KMO: variants seen among roughly 807,000 people sequenced by gnomAD.
KMO encodes the protein kynurenine 3-monooxygenase, also known as kynurenine 3-hydroxylase.
KMO carries 24 observed loss-of-function variants against 57.8 expected under a neutral mutation model. That is an observed-to-expected ratio of 0.42 (90% CI 0.30 to 0.58). The LOEUF is 0.58. Among genes scored for constraint, KMO ranks in the 20% least tolerant of loss-of-function variants. The pLI, the probability that KMO is intolerant of heterozygous loss-of-function variation, is 0.22. For synonymous variants in KMO, 210 were observed against 193.6 expected (o/e 1.08, Z -0.70); for missense variants, 483 against 588.2 (o/e 0.82, Z 1.85).
chr1:241,534,252 C>T (rs1660678072), intron 1 of KMO, among the ~76,000 whole-genome samples: 1 of 152,170 alleles, frequency 6.6e-6, no homozygotes, highest in Admixed American at 6.5e-5. Context: ...TAGCTCAAGA[C>T]TTGGACTAAG....
chr1:241,568,667 G>A lies in KMO; in HGVS notation c.957+20G>A. 2 of 1,610,132 alleles carry A rather than the reference G, an allele frequency of 1.2e-6. No homozygotes were observed. Among genetic ancestry groups the A allele is most frequent in the East Asian group, 2.2e-5 (1 of 44,708 alleles). ...AATGCGGTAAGTTCTTTTTCCCTAGGTAAGTCCCTCAAATACTTCTGGGTC... is the reference window on the plus strand; with the variant it reads ...AATGCGGTAAGTTCTTTTTCCCTAGATAAGTCCCTCAAATACTTCTGGGTC... On this transcript the variant is annotated intron_variant, in intron 10 of 14. Coordinates refer to ENST00000366559, the MANE Select transcript of KMO (RefSeq NM_003679.5).
Position 241,534,966 on chromosome 1 carries a change from GT to G in KMO, c.54+2479del, listed in dbSNP as rs201213541. Among the ~76,000 whole-genome samples, 266 of 142,934 alleles carry G rather than the reference GT, an allele frequency of 1.9e-3. 3 individuals carry two copies. Among genetic ancestry groups the G allele is most frequent in the Middle Eastern group, 7.9e-3 (2 of 254 alleles). The allele number at this position is 142,934 out of a possible 152,430, so 93.8% of individuals were successfully genotyped here. On this transcript the variant is annotated intron_variant, in intron 1 of 14. Coordinates refer to ENST00000366559, the MANE Select transcript of KMO (RefSeq NM_003679.5). Reference sequence around the variant, plus strand: ...CAGTATCGGAAATTACACACTTTGGGTTTTTTTTTTTAACCTGTTTCTTAGA... The same window carrying G: ...CAGTATCGGAAATTACACACTTTGGGTTTTTTTTTTAACCTGTTTCTTAGA...
Position 241,536,780 on chromosome 1 carries a change from G to A in KMO, c.54+4282G>A, listed in dbSNP as rs558830787. ...AGTTCTCCATTTAGTAGTATTTAGA[G>A]GGTGAGGAGATTTGTACGTATTTTG... On this transcript the variant is annotated intron_variant, in intron 1 of 14. Coordinates refer to ENST00000366559, the MANE Select transcript of KMO (RefSeq NM_003679.5). Among the ~76,000 whole-genome samples, 10 of 152,256 alleles carry A rather than the reference G, an allele frequency of 6.6e-5. No homozygotes were observed. In the South Asian group the frequency reaches 2.1e-3, roughly 32 times the overall value.
chr1:241,545,004 C>G (rs1661091633), intron 1 of KMO, among the ~76,000 whole-genome samples: 1 of 152,108 alleles, frequency 6.6e-6, no homozygotes, highest in Admixed American at 6.6e-5. Context: ...AGGGTGTTTA[C>G]TGGGCACAAG....
chr1:241,567,095 A>G (rs1212649075), intron 9 of KMO, among the ~76,000 whole-genome samples: 1 of 152,250 alleles, frequency 6.6e-6, no homozygotes, highest in Non-Finnish European at 1.5e-5. Context: ...GATCGTGTCT[A>G]TAAATCATTC....
chr1:241,557,295 T>C (rs1213205429), intron 5 of KMO, among the ~76,000 whole-genome samples: 1 of 152,222 alleles, frequency 6.6e-6, no homozygotes, highest in Non-Finnish European at 1.5e-5. Flanking sequence ...TTTTCCTCCC[T>C]TCAGCATTTG....
chr1:241,542,978 C>T (rs1311028718), intron 1 of KMO, among the ~76,000 whole-genome samples: 1 of 152,180 alleles, frequency 6.6e-6, no homozygotes, highest in Non-Finnish European at 1.5e-5. Flanking sequence ...CGACGTAACA[C>T]CTACTATTGT....
At chr1:241,587,691 A>G (rs906453256) in intron 11 of KMO, among the ~76,000 whole-genome samples, 7 of 150,356 alleles carry the variant, frequency 4.7e-5, no homozygotes, top group Admixed American at 4.0e-4. Flanking sequence ...TGATCCACCC[A>G]CCTCTGCCTC....
rs150812901 is a variant in KMO, at chr1:241,581,470, G to T, written c.958-5209G>T. Among the ~76,000 whole-genome samples, 914 of 151,864 alleles carry T rather than the reference G, an allele frequency of 6.0e-3. 6 individuals carry two copies. Among genetic ancestry groups the T allele is most frequent in the Non-Finnish European group, 0.011 (740 of 67,866 alleles). Reference sequence around the variant, plus strand: ...CTCTGGTAGTATGTTTTAAGTTTTTGCTTATTATTTTTTGTGTACCTATCA... The same window carrying T: ...CTCTGGTAGTATGTTTTAAGTTTTTTCTTATTATTTTTTGTGTACCTATCA... On this transcript the variant is annotated intron_variant, in intron 10 of 14. Coordinates refer to ENST00000366559, the MANE Select transcript of KMO (RefSeq NM_003679.5).
chr1:241,563,044 A>G (rs903071051), intron 7 of KMO, among the ~76,000 whole-genome samples: 5 of 152,210 alleles, frequency 3.3e-5, no homozygotes, highest in African/African-American at 1.2e-4. Flanking sequence ...TGGGAGAAAA[A>G]AACAGGTTGA....
intron 10 of KMO, among the ~76,000 whole-genome samples, chr1:241,579,162 T>C (rs1662657316): frequency 1.3e-5 from 2 of 152,272 alleles, no homozygotes; most frequent in Admixed American, 6.5e-5. Flanking sequence ...CAGGTTATTC[T>C]ACCTGCAGAT....
At chr1:241,590,397 G>T in intron 14 of KMO, 134 bp downstream of exon 14, 1 of 727,814 alleles carries the variant, frequency 1.4e-6, no homozygotes, top group South Asian at 1.7e-5. Context: ...AACAGAAACT[G>T]TCCTGAGTAC....
At chr1:241,565,155 T>A in intron 8 of KMO, 97 bp downstream of exon 8, 1 of 731,130 alleles carries the variant, frequency 1.4e-6, no homozygotes, top group Non-Finnish European at 2.4e-6. Flanking sequence ...CTAATTGATC[T>A]CTTCATTGTT....
At chr1:241,562,075 C>A in intron 6 of KMO, 92 bp from the exon 7 acceptor site, 1 of 1,018,010 alleles carries the variant, frequency 9.8e-7, no homozygotes, top group Non-Finnish European at 1.4e-6. Context: ...TCTAAGTTAT[C>A]TATGGAGCCA....
intron 1 of KMO, among the ~76,000 whole-genome samples, chr1:241,546,852 A>G (rs1036076923): frequency 1.3e-5 from 2 of 152,224 alleles, no homozygotes; most frequent in African/African-American, 4.8e-5. Context: ...ACATTTTCAC[A>G]TCATCATGGA....
chr1:241,562,675 GT>G (rs1287535000), intron 7 of KMO, among the ~76,000 whole-genome samples: 1 of 151,984 alleles, frequency 6.6e-6, no homozygotes, highest in Non-Finnish European at 1.5e-5. Context: ...CTCTGTCTCT[GT>G]AAAAAATACA....
At chr1:241,579,438 G>A (rs1054087385) in intron 10 of KMO, among the ~76,000 whole-genome samples, 5 of 152,198 alleles carry the variant, frequency 3.3e-5, no homozygotes, top group African/African-American at 1.2e-4. Flanking sequence ...GTGGGGGCCA[G>A]GAGACAGTTT....
chr1:241,588,482 A>G (rs1439075048), intron 11 of KMO, among the ~76,000 whole-genome samples: 1 of 152,012 alleles, frequency 6.6e-6, no homozygotes, highest in Non-Finnish European at 1.5e-5. Flanking sequence ...GCATAAGAAC[A>G]CACTGTCAAC....
In KMO at chr1:241,592,158, A is replaced by G. The variant is rs201483365; in HGVS notation, c.*5A>G. ...TCCAATCTCATTAGCAGGTGATAGA[A>G]AGGTTTTGTGGTAGCAAATGCATGA... is the stretch of plus-strand genomic sequence containing the variant. On this transcript the variant is annotated 3_prime_UTR_variant, in exon 15 of 15. Coordinates refer to ENST00000366559, the MANE Select transcript of KMO (RefSeq NM_003679.5). 212 of 1,611,536 alleles carry G rather than the reference A, an allele frequency of 1.3e-4. 3 individuals are homozygous for G. In the East Asian group the frequency reaches 3.9e-3, roughly 29 times the overall value.
Sources: allele counts gnomAD v4.1 joint callset (sites outside exome capture counted in the v4.1 genomes callset), GRCh38; gene constraint gnomAD v4.1.1; transcripts MANE v1.5; gene names NCBI Gene and HGNC (gene_info 2026-07-23, HGNC 2026-07-21).